Variants in MICAL3 observed in about 807,000 individuals in gnomAD.
The protein encoded by MICAL3 is [F-actin]-monooxygenase MICAL3.
Under a neutral mutation model 207.4 loss-of-function variants are expected in MICAL3, and 62 were observed. The ratio of observed to expected loss-of-function variants is 0.30; its 90% confidence interval spans 0.24 to 0.37. The LOEUF (loss-of-function observed/expected upper bound fraction) is 0.37. MICAL3 is among the 10% of genes least tolerant of loss of function. MICAL3 has a pLI of 1.00. For missense variants in MICAL3, 2,368 were observed against 2,635.6 expected, an observed-to-expected ratio of 0.90 and a Z score of 2.22; for synonymous variants, 1,077 against 1,069.3, an observed-to-expected ratio of 1.01 and a Z score of -0.14.
intron 16 of MICAL3, chr22:17,879,330 G>C: frequency 6.2e-7 from 1 of 1,602,712 alleles, no homozygotes; most frequent in Non-Finnish European, 8.5e-7. Flanking sequence ...CATGCCACGG[G>C]TTCATGCTCT....
intron 1 of MICAL3, among the ~76,000 whole-genome samples, chr22:17,913,629 T>G (rs541846454): frequency 6.6e-6 from 1 of 152,094 alleles, no homozygotes; most frequent in Non-Finnish European, 1.5e-5. Flanking sequence ...CAGACCCAGA[T>G]AGCCTCTGGG....
chr22:17,997,969 T>C (rs976732291), intron 1 of MICAL3, among the ~76,000 whole-genome samples: 4 of 151,678 alleles, frequency 2.6e-5, no homozygotes, highest in Non-Finnish European at 5.9e-5. Flanking sequence ...GATGTGTGGA[T>C]TTTTTCCCCC....
chr22:17,842,274 C>G, intron 19 of MICAL3: 1 of 532,424 alleles, frequency 1.9e-6, no homozygotes, highest in East Asian at 3.0e-5. Flanking sequence ...CTGAACCCGG[C>G]CCCCAGAGGG....
intron 1 of MICAL3, among the ~76,000 whole-genome samples, chr22:17,938,439 T>C (rs1933650917): frequency 6.6e-6 from 1 of 152,116 alleles, no homozygotes; most frequent in Admixed American, 6.5e-5. Context: ...CCACAGGTAA[T>C]ACAGATTTGG....
chr22:17,877,241 T>A (rs367895390), intron 16 of MICAL3, among the ~76,000 whole-genome samples: 1 of 81,834 alleles, frequency 1.2e-5, no homozygotes, highest in African/African-American at 6.0e-5. Flanking sequence ...TTATGGAGGT[T>A]AGGGAGGTTA....
At chr22:17,930,827 C>A (rs1279342411) in intron 1 of MICAL3, among the ~76,000 whole-genome samples, 2 of 152,230 alleles carry the variant, frequency 1.3e-5, no homozygotes, top group Admixed American at 1.3e-4. Context: ...GAGACACGGG[C>A]ACCTGGAGGT....
At chr22:17,964,893 T>C (rs1040483086) in intron 1 of MICAL3, among the ~76,000 whole-genome samples, 5 of 152,346 alleles carry the variant, frequency 3.3e-5, no homozygotes, top group African/African-American at 9.6e-5. Flanking sequence ...AGCAGCCGCA[T>C]GGCACTGCTG....
intron 1 of MICAL3, among the ~76,000 whole-genome samples, chr22:17,946,603 C>T (rs1934079053): frequency 6.6e-6 from 1 of 152,230 alleles, no homozygotes; most frequent in Admixed American, 6.5e-5. Context: ...AGGCACTGCA[C>T]ACACATGTGG....
chr22:17,958,987 T>C (rs1441626601), intron 1 of MICAL3, among the ~76,000 whole-genome samples: 2 of 147,578 alleles, frequency 1.4e-5, no homozygotes, highest in African/African-American at 2.5e-5. Context: ...ATTACAGGCA[T>C]AAGCCACTGC....
rs1923992928 is a variant in MICAL3 at position 17,841,411 on chromosome 22, A to T, written c.2801+411T>A. 2 of 321,616 alleles carry T rather than the reference A, an allele frequency of 6.2e-6. No individual in the cohort carries two copies. The highest frequency in any genetic ancestry group is 1.2e-5 in the Non-Finnish European group (2 of 173,760). The allele number at this position is 321,616 out of a possible 1,614,324, so 19.9% of individuals were successfully genotyped here. ...CAGTCCCTTTCTTTACCTACAGGAG[A>T]AAAAAAGATGCCTGGGGGACGGACT... On this transcript the variant is annotated intron_variant, in intron 20 of 31. Coordinates refer to ENST00000441493, the MANE Select transcript of MICAL3 (RefSeq NM_015241.3). This position sits in a 1 kb window ranked among gnomAD's most constrained non-coding sequence, Gnocchi z 4.2.
chr22:17,837,500 G>T (rs138815205), intron 20 of MICAL3, among the ~76,000 whole-genome samples: 1 of 152,250 alleles, frequency 6.6e-6, no homozygotes, highest in East Asian at 1.9e-4. Context: ...TGCCTTTGCT[G>T]CCCGGGGCAC....
chr22:17,832,912 C>A (rs944090324), intron 20 of MICAL3, among the ~76,000 whole-genome samples: 1 of 152,188 alleles, frequency 6.6e-6, no homozygotes, highest in Non-Finnish European at 1.5e-5. Flanking sequence ...GGCAAAGGCA[C>A]CGCTCACTGC....
At chr22:17,975,669 T>G (rs1935597892) in intron 1 of MICAL3, among the ~76,000 whole-genome samples, 1 of 152,132 alleles carries the variant, frequency 6.6e-6, no homozygotes, top group Non-Finnish European at 1.5e-5. Context: ...TAGCACATTT[T>G]CAAGTCACCC....
At position 17,819,212 on chromosome 22, in the gene MICAL3, AGTGCCTGCACCT is replaced by A. The variant is rs1921273731; in HGVS notation, c.3532-95_3532-84del. ...ATCCTCGGGGAGCCTTCTCACTCAA[AGTGCCTGCACCT>A]GTGCCTGCTGCAGGACTTCCCCGTC... On this transcript the variant is annotated intron_variant, in intron 25 of 31. Coordinates refer to ENST00000441493, the MANE Select transcript of MICAL3 (RefSeq NM_015241.3). 5.1e-6 allele frequency: 7 copies of A among 1,360,560 alleles called. No homozygotes were observed. In the South Asian group the frequency reaches 6.3e-5, roughly 12 times the overall value. 84.3% of individuals were successfully genotyped at this position (1,360,560 alleles called of 1,614,324 possible). A position where few individuals can be genotyped will look rare whatever the true frequency, so the allele number is the denominator to read the frequency against.
chr22:17,805,701 C>T (rs1159286465), intron 29 of MICAL3, among the ~76,000 whole-genome samples: 1 of 152,218 alleles, frequency 6.6e-6, no homozygotes, highest in Non-Finnish European at 1.5e-5. Flanking sequence ...CTTTCAAGAG[C>T]CCTTATTAAA....
chr22:17,861,235 G>C (rs1183937422), intron 19 of MICAL3: 34 of 985,286 alleles, frequency 3.5e-5, no homozygotes, highest in Non-Finnish European at 3.9e-5. Context: ...GTGTGGGAAA[G>C]GCCTGCATTT....
intron 17 of MICAL3, among the ~76,000 whole-genome samples, chr22:17,869,742 G>A (rs1927522718): frequency 6.6e-6 from 1 of 152,150 alleles, no homozygotes; most frequent in Non-Finnish European, 1.5e-5. Flanking sequence ...GGTGTCATCT[G>A]GTGCAAGTGA....
Position 17,871,857 on chromosome 22 carries a change from T to A in MICAL3, c.2408A>T (p.Tyr803Phe). ...CTCACCATCCTCGATGTCGTAGGCG[T>A]AGGCCGAGAGGCGCAGGGTGGTGGC... is the stretch of plus-strand genomic sequence containing the variant. Reference protein sequence around the residue: ...YCATTLRLSAYAYDIEDGKFY... With the variant: ...YCATTLRLSAFAYDIEDGKFY... Residue 803 changes from tyrosine (Y) to phenylalanine (F), a missense_variant, in exon 17 of 32, where the codon TAC becomes TTC. Tyr to Phe is a conservative substitution (Grantham distance 22, BLOSUM62 3). This residue lies in a region of MICAL3 where 1,770 missense variants were observed against 1,863.2 expected (regional missense o/e 0.95). Transcript: ENST00000441493. 1.2e-6 allele frequency: 2 copies of A among 1,609,290 alleles called. No homozygotes were observed. The highest frequency in any genetic ancestry group is 1.7e-6 in the Non-Finnish European group (2 of 1,178,060).
chr22:17,945,150 A>G (rs1474646435), intron 1 of MICAL3, among the ~76,000 whole-genome samples: 1 of 151,778 alleles, frequency 6.6e-6, no homozygotes, highest in African/African-American at 2.4e-5. Flanking sequence ...CCTGACCCCC[A>G]GGAAAAAAGC....
Sources: allele counts gnomAD v4.1 joint callset (sites outside exome capture counted in the v4.1 genomes callset), GRCh38; gene constraint gnomAD v4.1.1; regional missense constraint gnomAD v4.1.1; non-coding constraint Gnocchi (gnomAD v3.1); transcripts MANE v1.5; gene names NCBI Gene and HGNC (gene_info 2026-07-23, HGNC 2026-07-21).